Variants in CFAP95 observed in about 807,000 individuals in gnomAD.
CFAP95 encodes the protein cilia- and flagella-associated protein 95.
the CFAP95 span, among the ~76,000 whole-genome samples, chr9:69,864,292 G>C: frequency 6.6e-6 from 1 of 151,964 alleles, no homozygotes; most frequent in African/African-American, 2.4e-5. Context: ...AGTAGCTTTT[G>C]GAAATTGTGT....
chr9:69,886,794 TCG>T, the CFAP95 span: 1 of 1,409,726 alleles, frequency 7.1e-7, no homozygotes, highest in South Asian at 1.2e-5. Flanking sequence ...AAAATATTTT[TCG>T]TTTTTGAAGT....
the CFAP95 span, among the ~76,000 whole-genome samples, chr9:69,826,011 A>G: frequency 6.6e-6 from 1 of 152,182 alleles, no homozygotes; most frequent in Non-Finnish European, 1.5e-5. Context: ...CCTGTCTCCT[A>G]TAGGAAGAAA....
the CFAP95 span, among the ~76,000 whole-genome samples, chr9:69,830,045 A>G: frequency 2.6e-5 from 4 of 152,300 alleles, no homozygotes; most frequent in South Asian, 8.3e-4. Flanking sequence ...GAACAACTGG[A>G]ACGAGGGATG....
chr9:69,860,109 T>C, the CFAP95 span, among the ~76,000 whole-genome samples: 1 of 152,236 alleles, frequency 6.6e-6, no homozygotes, highest in Non-Finnish European at 1.5e-5. Context: ...ATACTTAGGC[T>C]ACACTAAATT....
chr9:69,887,769 C>T, the CFAP95 span, among the ~76,000 whole-genome samples: 1 of 152,186 alleles, frequency 6.6e-6, no homozygotes. Flanking sequence ...TGACTGTGTG[C>T]CAGTTCTAAG....
At chr9:69,902,900 C>A in the CFAP95 span, among the ~76,000 whole-genome samples, 1 of 152,126 alleles carries the variant, frequency 6.6e-6, no homozygotes, top group African/African-American at 2.4e-5. Context: ...TTTTCATATA[C>A]GCCCTGCTCC....
chr9:69,905,438 G>A, the CFAP95 span, among the ~76,000 whole-genome samples: 18 of 152,104 alleles, frequency 1.2e-4, no homozygotes, highest in Non-Finnish European at 2.1e-4. Context: ...GTGGCCTAAG[G>A]ATAAACATCT....
chr9:69,859,323 A>G, the CFAP95 span, among the ~76,000 whole-genome samples: 1 of 150,676 alleles, frequency 6.6e-6, no homozygotes, highest in South Asian at 2.1e-4. Context: ...TGTTTTCTGG[A>G]TCCTTTTGTT....
the CFAP95 span, among the ~76,000 whole-genome samples, chr9:69,875,845 A>T: frequency 1.3e-5 from 2 of 152,204 alleles, no homozygotes; most frequent in Admixed American, 1.3e-4. Context: ...GTTTATCATG[A>T]TTTATATGGC....
At chr9:69,873,504 C>A in the CFAP95 span, among the ~76,000 whole-genome samples, 11 of 152,128 alleles carry the variant, frequency 7.2e-5, no homozygotes. Flanking sequence ...TAGATTGCGG[C>A]CTCACCTGCA....
the CFAP95 span, among the ~76,000 whole-genome samples, chr9:69,833,494 C>A: frequency 6.6e-6 from 1 of 152,130 alleles, no homozygotes; most frequent in East Asian, 1.9e-4. Context: ...AGCTATTGCA[C>A]CTGGCCAAAA....
At chr9:69,862,397 C>T in the CFAP95 span, among the ~76,000 whole-genome samples, 7 of 152,128 alleles carry the variant, frequency 4.6e-5, no homozygotes, top group Non-Finnish European at 7.3e-5. Flanking sequence ...CACCTTCAAC[C>T]GGCCCCTACT....
At chr9:69,848,127 G>T in the CFAP95 span, among the ~76,000 whole-genome samples, 1 of 152,130 alleles carries the variant, frequency 6.6e-6, no homozygotes, top group Non-Finnish European at 1.5e-5. Context: ...TGTGCCTCAC[G>T]AAGTTAGACA....
chr9:69,828,718 A>C, the CFAP95 span, among the ~76,000 whole-genome samples: 1 of 152,128 alleles, frequency 6.6e-6, no homozygotes, highest in Non-Finnish European at 1.5e-5. Context: ...AAAATAAATG[A>C]GTCTATATGC....
the CFAP95 span, among the ~76,000 whole-genome samples, chr9:69,862,125 C>T: frequency 3.9e-5 from 6 of 152,204 alleles, no homozygotes; most frequent in Admixed American, 3.3e-4. Context: ...AAATACACCA[C>T]AATTATCTCC....
At chr9:69,899,287 A>G in the CFAP95 span, among the ~76,000 whole-genome samples, 1 of 152,224 alleles carries the variant, frequency 6.6e-6, no homozygotes, top group Non-Finnish European at 1.5e-5. Flanking sequence ...AGATTTACCT[A>G]TTATGTTAGG....
the CFAP95 span, among the ~76,000 whole-genome samples, chr9:69,890,738 A>C: frequency 6.6e-6 from 1 of 152,242 alleles, no homozygotes. Flanking sequence ...ATTATCTCAA[A>C]TGTTGTGCAT....
chr9:69,872,167 T>G, the CFAP95 span, among the ~76,000 whole-genome samples: 2 of 152,180 alleles, frequency 1.3e-5, no homozygotes, highest in Non-Finnish European at 2.9e-5. Flanking sequence ...TAACTTTTAA[T>G]GGGAAAATCT....
the CFAP95 span, chr9:69,821,141 C>A: frequency 2.3e-5 from 27 of 1,199,374 alleles, no homozygotes; most frequent in South Asian, 1.1e-4. Flanking sequence ...GGAGTGGAGA[C>A]GACAGAGGAA....
Sources: allele counts gnomAD v4.1 joint callset (sites outside exome capture counted in the v4.1 genomes callset), GRCh38; gene constraint gnomAD v4.1.1; transcripts MANE v1.5; gene names NCBI Gene and HGNC (gene_info 2026-07-23, HGNC 2026-07-21).